TENM3: variants seen among roughly 807,000 people sequenced by gnomAD.
TENM3 encodes the protein teneurin transmembrane protein 3.
In TENM3, 63 loss-of-function variants were observed where a neutral mutation model predicts 255.1. The ratio of observed to expected loss-of-function variants is 0.25; its 90% CI spans 0.20 to 0.30. The LOEUF (loss-of-function observed/expected upper bound fraction) is 0.30, where lower values mean the gene tolerates loss of function less well. Among genes scored for constraint, TENM3 ranks in the 10% least tolerant of loss-of-function variants. The probability of loss-of-function intolerance (pLI) is 1.00; values close to 1 mark genes in which losing one functional copy is unlikely to be tolerated. For synonymous variants in TENM3, 1,306 were observed against 1,322.3 expected (o/e 0.99, Z 0.27); for missense variants, 2,929 against 3,461.1 (o/e 0.85, Z 3.86).
the TENM3 span, among the ~76,000 whole-genome samples, chr4:181,717,865 G>A: frequency 6.6e-6 from 1 of 152,164 alleles, no homozygotes; most frequent in African/African-American, 2.4e-5. Context: ...ATGTATTTGA[G>A]TAAGATGAAT....
the TENM3 span, among the ~76,000 whole-genome samples, chr4:181,499,470 T>C: frequency 6.6e-6 from 1 of 152,154 alleles, no homozygotes; most frequent in Admixed American, 6.5e-5. Context: ...GTTGTTATCT[T>C]GAACAAGGAA....
intron 3 of TENM3, among the ~76,000 whole-genome samples, chr4:182,547,994 G>T (rs558580493): frequency 6.6e-6 from 1 of 152,084 alleles, no homozygotes; most frequent in South Asian, 2.1e-4. Flanking sequence ...AAGGTGGGAG[G>T]ATCAGTTAAG....
chr4:181,955,469 A>T, the TENM3 span, among the ~76,000 whole-genome samples: 1 of 152,194 alleles, frequency 6.6e-6, no homozygotes, highest in Non-Finnish European at 1.5e-5. Flanking sequence ...AGGCAGAGGG[A>T]CAGCAAGTGC....
chr4:182,025,019 CATTTTTTTT>C, the TENM3 span, among the ~76,000 whole-genome samples: 8 of 92,198 alleles, frequency 8.7e-5, no homozygotes, highest in South Asian at 2.4e-3. Flanking sequence ...GACAGGATTT[CATTTTTTTT>C]TTTTTTTTTT....
At chr4:182,136,017 A>G in the TENM3 span, among the ~76,000 whole-genome samples, 1 of 152,176 alleles carries the variant, frequency 6.6e-6, no homozygotes, top group Non-Finnish European at 1.5e-5. Context: ...TAAATTTCAG[A>G]TAATTTGTAT....
chr4:182,799,963 T>C lies in TENM3; in HGVS notation c.7712T>C (p.Leu2571Pro). ...TLRLTSGRKA[L>P]ENGINVTVSQ... is the part of the protein sequence containing the mutation. ...CGGTTGACCAGCGGCCGCAAGGCGC[T>C]GGAGAACGGCATCAACGTGACGGTG... is the stretch of plus-strand genomic sequence containing the variant. Residue 2571 changes from leucine (L) to proline (P), a missense_variant, in exon 28 of 28, where the codon CTG (leucine) becomes CCG (proline). Physicochemically the swap from Leu to Pro is moderately conservative, Grantham distance 98. Around this residue, in one of 6 missense-constraint regions of TENM3, gnomAD observed 476 missense variants for 480.1 expected, o/e 0.99. Transcript: ENST00000511685. This position sits in a 1 kb window ranked among gnomAD's most constrained non-coding sequence, Gnocchi z 4.2. 1 of 1,592,692 alleles carries C rather than the reference T, an allele frequency of 6.3e-7. No homozygotes were observed. The highest frequency in any genetic ancestry group is 8.5e-7 in the Non-Finnish European group (1 of 1,170,294).
the TENM3 span, among the ~76,000 whole-genome samples, chr4:181,648,762 G>A: frequency 1.3e-5 from 2 of 152,104 alleles, no homozygotes; most frequent in Admixed American, 1.3e-4. Context: ...TGCAGTATGT[G>A]GTGCCCATCC....
chr4:182,390,340 A>G (rs2150977166), intron 3 of TENM3, among the ~76,000 whole-genome samples: 1 of 152,334 alleles, frequency 6.6e-6, no homozygotes, highest in Middle Eastern at 3.4e-3. Flanking sequence ...GTTGAGTCAC[A>G]GAACATTATA....
chr4:182,336,751 G>A (rs1228588022), intron 2 of TENM3, among the ~76,000 whole-genome samples: 1 of 151,984 alleles, frequency 6.6e-6, no homozygotes, highest in Non-Finnish European at 1.5e-5. Flanking sequence ...TTTTAGGGAT[G>A]AAATGTAAAC....
At chr4:182,237,144 G>A (rs188770648) in intron 1 of TENM3, among the ~76,000 whole-genome samples, 26 of 152,122 alleles carry the variant, frequency 1.7e-4, no homozygotes, top group Admixed American at 9.2e-4. Flanking sequence ...GGATAGTGGC[G>A]TCCAGCTCCA....
At chr4:182,072,660 G>T in the TENM3 span, among the ~76,000 whole-genome samples, 1 of 152,070 alleles carries the variant, frequency 6.6e-6, no homozygotes, top group South Asian at 2.1e-4. Context: ...CTCATCAAAC[G>T]TATCATGAGG....
the TENM3 span, among the ~76,000 whole-genome samples, chr4:181,779,056 A>G: frequency 6.6e-6 from 1 of 152,126 alleles, no homozygotes; most frequent in Non-Finnish European, 1.5e-5. Flanking sequence ...GAGTGAGTCT[A>G]CAAAGGAGAG....
At chr4:181,667,082 CA>C in the TENM3 span, among the ~76,000 whole-genome samples, 1 of 152,224 alleles carries the variant, frequency 6.6e-6, no homozygotes, top group African/African-American at 2.4e-5. Context: ...CATTTTTGTA[CA>C]GAATTATAGC....
the TENM3 span, among the ~76,000 whole-genome samples, chr4:181,676,595 A>C: frequency 6.6e-6 from 1 of 152,080 alleles, no homozygotes; most frequent in Admixed American, 6.6e-5. Flanking sequence ...GCTATGAAAC[A>C]TTGGATTAGA....
chr4:182,079,287 C>T, the TENM3 span, among the ~76,000 whole-genome samples: 2 of 152,050 alleles, frequency 1.3e-5, no homozygotes, highest in African/African-American at 2.4e-5. Flanking sequence ...GAGGCCGAGG[C>T]GGGCAGATCA....
intron 3 of TENM3, among the ~76,000 whole-genome samples, chr4:182,450,712 C>T (rs899233417): frequency 4.6e-5 from 7 of 152,160 alleles, no homozygotes; most frequent in African/African-American, 1.7e-4. Flanking sequence ...AAAAAATTGG[C>T]TGTGAAAGAC....
At chr4:181,813,939 T>C in the TENM3 span, among the ~76,000 whole-genome samples, 1 of 151,668 alleles carries the variant, frequency 6.6e-6, no homozygotes, top group Non-Finnish European at 1.5e-5. Flanking sequence ...TAAGAAAAAA[T>C]GGGAGAAGAA....
chr4:181,514,307 C>T, the TENM3 span, among the ~76,000 whole-genome samples: 1 of 152,114 alleles, frequency 6.6e-6, no homozygotes, highest in Admixed American at 6.5e-5. Flanking sequence ...AGCTTTGGTT[C>T]ACTGACTTAC....
chr4:181,637,326 C>T, the TENM3 span, among the ~76,000 whole-genome samples: 1 of 152,288 alleles, frequency 6.6e-6, no homozygotes, highest in South Asian at 2.1e-4. Context: ...GACTAAGAAA[C>T]AAAACACGTC....
Sources: gnomAD v4.1 joint callset for allele counts (sites outside exome capture counted in the v4.1 genomes callset) on GRCh38, gnomAD v4.1.1 for gene constraint, gnomAD v4.1.1 regional missense constraint, Gnocchi (gnomAD v3.1) non-coding constraint, MANE v1.5 for transcripts, NCBI Gene and HGNC (gene_info 2026-07-23, HGNC 2026-07-21) for gene names.